PTPRN2: variants seen among roughly 807,000 people sequenced by gnomAD.
The protein encoded by PTPRN2 is receptor-type tyrosine-protein phosphatase N2.
In PTPRN2, 74 loss-of-function variants were observed where a neutral mutation model predicts 118.8. That is an observed-to-expected ratio of 0.62 (90% CI 0.52 to 0.76). The LOEUF (loss-of-function observed/expected upper bound fraction) is 0.76, where lower values mean the gene tolerates loss of function less well. PTPRN2 is among the 30% of genes least tolerant of loss of function. The probability of loss-of-function intolerance (pLI) is 0.00; values close to 1 mark genes in which losing one functional copy is unlikely to be tolerated. For synonymous variants in PTPRN2, 641 were observed against 608.0 expected (o/e 1.05, Z -0.80); for missense variants, 1,481 against 1,394.4 (o/e 1.06, Z -0.99).
intron 3 of PTPRN2, among the ~76,000 whole-genome samples, chr7:158,241,583 C>A (rs2150856890): frequency 6.6e-6 from 1 of 152,296 alleles, no homozygotes; most frequent in East Asian, 1.9e-4. Context: ...TCCCCTGACA[C>A]AGACTTTAAA....
rs542086082 is a variant in PTPRN2 at position 158,292,709 on chromosome 7, T to G, written c.277+24110A>C. Among the ~76,000 whole-genome samples the G allele has an allele frequency of 2.7e-4, 41 of 152,344 alleles. 1 individual carries two copies. The highest frequency in any genetic ancestry group is 9.6e-4 in the African/African-American group (40 of 41,582). On this transcript the variant is annotated intron_variant, in intron 3 of 22. Transcript: ENST00000389418. ...CTGTGCTGAATGCTACAGGCAATTGTAACACAAGGTTAAGTATCTGTGTAT... is the reference window on the plus strand; with the variant it reads ...CTGTGCTGAATGCTACAGGCAATTGGAACACAAGGTTAAGTATCTGTGTAT...
chr7:158,186,563 CCCGCCTGGG>C (rs1825166411), intron 5 of PTPRN2, among the ~76,000 whole-genome samples: 4 of 151,102 alleles, frequency 2.6e-5, no homozygotes, highest in African/African-American at 9.7e-5. Context: ...CCGTCAGAAG[CCCGCCTGGG>C]CCACCTGCCC....
chr7:158,444,011 C>T (rs902027540), intron 2 of PTPRN2, among the ~76,000 whole-genome samples: 5 of 152,208 alleles, frequency 3.3e-5, no homozygotes, highest in Non-Finnish European at 5.9e-5. Context: ...CCAGCAGCAC[C>T]TTCTCCTCCT....
chr7:157,752,301 A>G (rs1318753351), intron 12 of PTPRN2, among the ~76,000 whole-genome samples: 2 of 152,334 alleles, frequency 1.3e-5, no homozygotes, highest in East Asian at 3.9e-4. Context: ...TTGTCCGAAC[A>G]TGACCTGACT....
chr7:158,044,887 C>T (rs116845881), intron 11 of PTPRN2, among the ~76,000 whole-genome samples: 1 of 152,312 alleles, frequency 6.6e-6, no homozygotes, highest in Non-Finnish European at 1.5e-5. Context: ...ACCTGGAGGA[C>T]ACCAGGAGGA....
intron 3 of PTPRN2, among the ~76,000 whole-genome samples, chr7:158,270,735 TC>T (rs1798267076): frequency 6.7e-6 from 1 of 149,220 alleles, no homozygotes; most frequent in African/African-American, 2.5e-5. Context: ...GGGTGCCTTC[TC>T]TACCTGAGCC....
chr7:158,078,049 C>T (rs1812509088), intron 11 of PTPRN2, among the ~76,000 whole-genome samples: 1 of 152,084 alleles, frequency 6.6e-6, no homozygotes, highest in African/African-American at 2.4e-5. Context: ...TAGCAGAATT[C>T]CCGGGAAAGC....
Position 157,794,028 on chromosome 7 carries a change from G to C in PTPRN2, c.1788+104645C>G, listed in dbSNP as rs1034904843. Among the ~76,000 whole-genome samples the C allele has an allele frequency of 6.6e-6, 1 of 152,122 alleles. No homozygotes were observed. Among genetic ancestry groups the C allele is most frequent in the Admixed American group, 6.5e-5 (1 of 15,282 alleles). ...ACCCTCCAGGCCACCTTCGGGCCTC[G>C]GCAGCACACCTCGAGGGGCCCAGGA... is the stretch of plus-strand genomic sequence containing the variant. On this transcript the variant is annotated intron_variant, in intron 12 of 22. Coordinates refer to ENST00000389418, the MANE Select transcript of PTPRN2 (RefSeq NM_002847.5). This position sits in a 1 kb window ranked among gnomAD's most constrained non-coding sequence, Gnocchi z 5.2.
chr7:157,821,326 C>T (rs1174201457), intron 12 of PTPRN2, among the ~76,000 whole-genome samples: 1 of 152,198 alleles, frequency 6.6e-6, no homozygotes, highest in African/African-American at 2.4e-5. Context: ...CTGGTCAGAG[C>T]TATAAATTCA....
chr7:158,372,935 C>T (rs542265955), intron 2 of PTPRN2, among the ~76,000 whole-genome samples: 16 of 152,288 alleles, frequency 1.1e-4, no homozygotes, highest in Admixed American at 3.3e-4. Flanking sequence ...TGACAGCTTC[C>T]GGGCATCCCT....
intron 11 of PTPRN2, among the ~76,000 whole-genome samples, chr7:157,969,841 C>T (rs1195047679): frequency 6.6e-6 from 1 of 151,754 alleles, no homozygotes; most frequent in South Asian, 2.1e-4. Context: ...CTCCTGATCT[C>T]CTAAGGGAGA....
Position 158,030,603 on chromosome 7 carries a change from G to T in PTPRN2, c.1723+50695C>A, listed in dbSNP as rs984607822. 21 of 152,524 alleles carry T rather than the reference G, an allele frequency of 1.4e-4. 1 individual carries two copies. Among genetic ancestry groups the T allele is most frequent in the Admixed American group, 1.1e-3 (17 of 15,314 alleles). The allele number at this position is 152,524 out of a possible 1,614,324, so 9.4% of individuals were successfully genotyped here. A position where few individuals can be genotyped will look rare whatever the true frequency, so the allele number is the denominator to read the frequency against. The stretch of plus-strand genomic sequence containing the variant: ...AGAGACAGAAGTGCCCAGTGGGAAG[G>T]CGAGGCCAGAATTCCCGAGAACACC... On this transcript the variant is annotated intron_variant, in intron 11 of 22. Transcript: ENST00000389418.
intron 11 of PTPRN2, among the ~76,000 whole-genome samples, chr7:157,999,739 C>T (rs564206700): frequency 6.6e-6 from 1 of 152,304 alleles, no homozygotes; most frequent in South Asian, 2.1e-4. Context: ...GGGTGTGGGT[C>T]TGAGACTTCA....
chr7:158,088,313 T>C (rs369330940), intron 10 of PTPRN2, among the ~76,000 whole-genome samples: 1 of 24,708 alleles, frequency 4.0e-5, no homozygotes, highest in African/African-American at 7.4e-5. Flanking sequence ...CTTCCCCTGA[T>C]GAAAGAGGGA....
At chr7:158,556,815 C>T (rs1479207177) in intron 1 of PTPRN2, among the ~76,000 whole-genome samples, 5 of 145,102 alleles carry the variant, frequency 3.4e-5, no homozygotes, top group South Asian at 2.2e-4. Flanking sequence ...CCGCGCAGGT[C>T]GCTCCCACGC....
chr7:158,508,953 G>A lies in PTPRN2; in HGVS notation c.113-19168C>T, dbSNP rs999782223. The stretch of plus-strand genomic sequence containing the variant: ...CTGCTCCTGTGGGTGTCAGGGCAAC[G>A]TGGGATGCTCAGGAGGGGGCCTCAG... On this transcript the variant is annotated intron_variant, in intron 1 of 22. Transcript: ENST00000389418. Among the ~76,000 whole-genome samples, 6 of 152,136 alleles carry A rather than the reference G, an allele frequency of 3.9e-5. 1 individual carries two copies. Among genetic ancestry groups the A allele is most frequent in the South Asian group, 4.2e-4 (2 of 4,808 alleles).
At chr7:158,280,064 T>C (rs187143261) in intron 3 of PTPRN2, among the ~76,000 whole-genome samples, 246 of 139,300 alleles carry the variant, frequency 1.8e-3, no homozygotes, top group African/African-American at 6.4e-3. Context: ...GCCCCCAAAC[T>C]GCACCAAGAC....
chr7:157,607,141 G>A (rs1161260667), intron 15 of PTPRN2, among the ~76,000 whole-genome samples: 1 of 152,252 alleles, frequency 6.6e-6, no homozygotes, highest in Non-Finnish European at 1.5e-5. Flanking sequence ...TTCTTGGAGA[G>A]TGAAAATTGG....
Position 158,300,354 on chromosome 7 carries a change from G to A in PTPRN2, c.277+16465C>T, listed in dbSNP as rs115267126. Among the ~76,000 whole-genome samples, 1,412 of 152,276 alleles carry A rather than the reference G, an allele frequency of 9.3e-3. 26 individuals are homozygous for A. The highest frequency in any genetic ancestry group is 0.032 in the African/African-American group (1,345 of 41,540). On this transcript the variant is annotated intron_variant, in intron 3 of 22. Transcript: ENST00000389418. ...GATCCGACGGCTAGGGTTGGAAGGT[G>A]GGCAGCCTCACGGGAGCATGGACCT...
Sources: allele counts gnomAD v4.1 joint callset (sites outside exome capture counted in the v4.1 genomes callset), GRCh38; gene constraint gnomAD v4.1.1; non-coding constraint Gnocchi (gnomAD v3.1); transcripts MANE v1.5; gene names NCBI Gene and HGNC (gene_info 2026-07-23, HGNC 2026-07-21).